Variants in TMEM273 observed in about 807,000 individuals in gnomAD.
The protein encoded by TMEM273 is transmembrane protein 273.
A neutral mutation model predicts 17.9 loss-of-function variants in TMEM273; 19 were observed. The ratio of observed to expected loss-of-function variants is 1.06; its 90% CI spans 0.74 to 1.55. The LOEUF is 1.55. TMEM273 is among the 40% of genes most tolerant of loss of function. The pLI, the probability that TMEM273 is intolerant of heterozygous loss-of-function variation, is 0.00. For synonymous variants in TMEM273, 66 were observed against 62.0 expected, an observed-to-expected ratio of 1.07 and a Z score of -0.31; for missense variants, 194 against 155.6, an observed-to-expected ratio of 1.25 and a Z score of -1.31.
Position 49,161,595 on chromosome 10 carries a change from T to C in TMEM273, c.372+4A>G, listed in dbSNP as rs1182045036. The C allele has an allele frequency of 1.2e-6, 2 of 1,614,210 alleles. No homozygotes were observed. Among genetic ancestry groups the C allele is most frequent in the South Asian group, 2.2e-5 (2 of 91,074 alleles). ...TAAGACAAGTGATCACTCTTACAAC[T>C]CACCTTTTGGAGAAATTGTGGTTTC... On this transcript the variant is annotated splice_donor_region_variant and intron_variant, in intron 6 of 6. Coordinates refer to ENST00000374153, the MANE Select transcript of TMEM273 (RefSeq NM_001288740.3).
Position 49,186,068 on chromosome 10 carries a change from G to GGAAGAA in TMEM273, c.43+2220_43+2225dup, listed in dbSNP as rs35480919. Among the ~76,000 whole-genome samples the GGAAGAA allele has an allele frequency of 7.3e-3, 493 of 67,180 alleles. 18 individuals carry two copies. The highest frequency in any genetic ancestry group is 0.023 in the African/African-American group (454 of 19,786). The allele number at this position is 67,180 out of a possible 152,430, so 44.1% of individuals were successfully genotyped here. A position where few individuals can be genotyped will look rare whatever the true frequency, so the allele number is the denominator to read the frequency against. Reference sequence around the variant, plus strand: ...AAGAAGAAGAGGAAGAAGAAGAAGAGGAAGAAGAAGAAGAAGAAGAAGAAG... The same window carrying GGAAGAA: ...AAGAAGAAGAGGAAGAAGAAGAAGAGGAAGAAGAAGAAGAAGAAGAAGAAGAAGAAG... On this transcript the variant is annotated intron_variant, in intron 1 of 6. Coordinates refer to ENST00000374153, the MANE Select transcript of TMEM273 (RefSeq NM_001288740.3).
intron 1 of TMEM273, among the ~76,000 whole-genome samples, chr10:49,171,998 G>C (rs1290007433): frequency 6.6e-6 from 1 of 152,218 alleles, no homozygotes. Flanking sequence ...CGTGCACTCA[G>C]ATGTCGTTCT....
Position 49,155,570 on chromosome 10 carries a change from G to A in TMEM273, c.*322C>T, listed in dbSNP as rs1845460629. 1 of 443,566 alleles carries A rather than the reference G, an allele frequency of 2.3e-6. No individual in the cohort carries two copies. The highest frequency in any genetic ancestry group is 2.0e-5 in the African/African-American group (1 of 50,188). 27.5% of individuals were successfully genotyped at this position (443,566 alleles called of 1,614,324 possible). A position where few individuals can be genotyped will look rare whatever the true frequency, so the allele number is the denominator to read the frequency against. ...GCCATTTTCTGTGGTAGGTTCCACG[G>A]ACATGGACACCATGGCCTCATGGAA... On this transcript the variant is annotated 3_prime_UTR_variant, in exon 7 of 7. Transcript: ENST00000374153.
chr10:49,168,064 A>G (rs1415417108), intron 1 of TMEM273, 102 bp from the exon 2 acceptor site: 32 of 1,362,168 alleles, frequency 2.3e-5, no homozygotes, highest in Non-Finnish European at 3.3e-5. Context: ...TGTACCCACC[A>G]GGAGCACAGA....
chr10:49,163,354 C>T (rs1363071889), intron 5 of TMEM273, among the ~76,000 whole-genome samples: 1 of 151,442 alleles, frequency 6.6e-6, no homozygotes, highest in Non-Finnish European at 1.5e-5. Flanking sequence ...ATCTCTGGTC[C>T]CTCAACCTGA....
At position 49,161,454 on chromosome 10, in the gene TMEM273, C is replaced by A; in HGVS notation, c.372+145G>T. The stretch of plus-strand genomic sequence containing the variant: ...GCTGATTCCTGGTCTCACAGCTGTC[C>A]TGGCATGAGGGCTCCTGGCCATGCC... On this transcript the variant is annotated intron_variant, in intron 6 of 6. Coordinates refer to ENST00000374153, the MANE Select transcript of TMEM273 (RefSeq NM_001288740.3). 3.1e-6 allele frequency: 3 copies of A among 961,032 alleles called. 1 individual carries two copies. The South Asian group carries it at 4.2e-5, about 13-fold the overall frequency. The allele number at this position is 961,032 out of a possible 1,614,324, so 59.5% of individuals were successfully genotyped here. A position where few individuals can be genotyped will look rare whatever the true frequency, so the allele number is the denominator to read the frequency against.
chr10:49,161,280 T>G, intron 6 of TMEM273: 1 of 368,416 alleles, frequency 2.7e-6, no homozygotes, highest in Non-Finnish European at 4.9e-6. Flanking sequence ...ATTGGCTAAT[T>G]ATTAGATTGG....
chr10:49,164,465 T>C (rs892504649), intron 5 of TMEM273, among the ~76,000 whole-genome samples: 1 of 152,116 alleles, frequency 6.6e-6, no homozygotes, highest in African/African-American at 2.4e-5. Flanking sequence ...CATGCCACCA[T>C]ATAACAAAAA....
chr10:49,182,200 C>T (rs1278022261), intron 1 of TMEM273, among the ~76,000 whole-genome samples: 4 of 152,188 alleles, frequency 2.6e-5, no homozygotes, highest in African/African-American at 9.7e-5. Flanking sequence ...ACCAAGGATT[C>T]TTCCTTACTA....
intron 1 of TMEM273, among the ~76,000 whole-genome samples, chr10:49,176,024 C>T (rs1846939184): frequency 6.6e-6 from 1 of 152,174 alleles, no homozygotes; most frequent in African/African-American, 2.4e-5. Context: ...TATTTGAAAC[C>T]AAGAGATCTG....
intron 1 of TMEM273, among the ~76,000 whole-genome samples, chr10:49,169,572 G>T (rs1018076836): frequency 7.2e-5 from 11 of 152,126 alleles, no homozygotes; most frequent in African/African-American, 2.7e-4. Context: ...AAAATTCAAT[G>T]ACTTATCTTC....
intron 6 of TMEM273, among the ~76,000 whole-genome samples, chr10:49,156,833 A>G (rs984407332): frequency 7.2e-5 from 11 of 152,240 alleles, no homozygotes; most frequent in African/African-American, 1.2e-4. Flanking sequence ...GCTTGATGGC[A>G]GTAGAACCAA....
intron 6 of TMEM273, among the ~76,000 whole-genome samples, chr10:49,159,436 T>C (rs571412837): frequency 6.6e-6 from 1 of 152,176 alleles, no homozygotes; most frequent in Non-Finnish European, 1.5e-5. Flanking sequence ...AGGCATTTTG[T>C]GTGTATTATA....
intron 1 of TMEM273, among the ~76,000 whole-genome samples, chr10:49,184,191 T>A (rs1847526198): frequency 6.6e-6 from 1 of 152,156 alleles, no homozygotes; most frequent in South Asian, 2.1e-4. Flanking sequence ...TAAAAATAAA[T>A]TCCAAATAAA....
chr10:49,163,613 T>C (rs1178869147), intron 5 of TMEM273, among the ~76,000 whole-genome samples: 1 of 152,142 alleles, frequency 6.6e-6, no homozygotes. Context: ...CTGTCTTGGA[T>C]GATAAGTTAT....
At chr10:49,159,743 C>CTGAG (rs1845725862) in intron 6 of TMEM273, among the ~76,000 whole-genome samples, 1 of 136,628 alleles carries the variant, frequency 7.3e-6, no homozygotes, top group East Asian at 1.9e-4. Context: ...GAGAGAGAGA[C>CTGAG]AGAGAGAGAA....
intron 5 of TMEM273, among the ~76,000 whole-genome samples, chr10:49,162,387 C>T (rs1845903359): frequency 6.6e-6 from 1 of 152,152 alleles, no homozygotes; most frequent in Non-Finnish European, 1.5e-5. Flanking sequence ...ACACACACAA[C>T]AGGATTAAGG....
rs140473785 is a variant in TMEM273 at position 49,179,866 on chromosome 10, T to C, written c.43+8428A>G. Among the ~76,000 whole-genome samples the C allele has an allele frequency of 2.2e-4, 33 of 152,178 alleles. 1 individual carries two copies. In the East Asian group the frequency reaches 4.3e-3, roughly 20 times the overall value. On this transcript the variant is annotated intron_variant, in intron 1 of 6. Transcript: ENST00000374153. ...CTAGGAAGACAAGACTTTTAGGTGA[T>C]AACCACTCCACAACGGTCAAACAGC...
At chr10:49,161,932 C>A (rs939704720) in intron 5 of TMEM273, among the ~76,000 whole-genome samples, 5 of 152,108 alleles carry the variant, frequency 3.3e-5, no homozygotes, top group Non-Finnish European at 7.4e-5. Flanking sequence ...TGCCTCCCAG[C>A]CTCCCTCTCT....
Sources: gnomAD v4.1 joint callset for allele counts (sites outside exome capture counted in the v4.1 genomes callset) on GRCh38, gnomAD v4.1.1 for gene constraint, MANE v1.5 for transcripts, NCBI Gene and HGNC (gene_info 2026-07-23, HGNC 2026-07-21) for gene names.